ARFGEF1: variants seen among roughly 807,000 people sequenced by gnomAD.
ARFGEF1 encodes ARF guanine nucleotide exchange factor 1.
ARFGEF1 carries 42 observed loss-of-function variants against 231.0 expected under a neutral mutation model. The ratio of observed to expected loss-of-function variants is 0.18; its 90% CI spans 0.14 to 0.24. ARFGEF1 has a LOEUF of 0.24. Ranked by LOEUF, ARFGEF1 falls within the 10% of genes least tolerant of loss-of-function variation. ARFGEF1 has a pLI of 1.00. For missense variants in ARFGEF1, 1,345 were observed against 2,192.0 expected, an observed-to-expected ratio of 0.61 and a Z score of 7.72; for synonymous variants, 710 against 732.3, an observed-to-expected ratio of 0.97 and a Z score of 0.49.
chr8:67,193,129 CT>C (rs995747695), downstream of ARFGEF1, among the ~76,000 whole-genome samples: 4 of 151,258 alleles, frequency 2.6e-5, no homozygotes, highest in Admixed American at 6.6e-5. Context: ...TGGTTTTTTT[CT>C]TTTTTTTTGA....
intron 1 of ARFGEF1, among the ~76,000 whole-genome samples, chr8:67,310,441 T>A (rs1347392760): frequency 6.6e-6 from 1 of 152,172 alleles, no homozygotes; most frequent in Non-Finnish European, 1.5e-5. Context: ...TGATCTCGGC[T>A]CGCTACAACC....
chr8:67,296,274 A>G (rs551185167), intron 5 of ARFGEF1, among the ~76,000 whole-genome samples, 157 bp downstream of exon 5: 13 of 152,362 alleles, frequency 8.5e-5, no homozygotes, highest in African/African-American at 1.9e-4. Context: ...ACAAAACAAA[A>G]TAAAACACAA....
rs548826629 is a variant in ARFGEF1, at chr8:67,201,818, C to T, written c.5129-213G>A. On this transcript the variant is annotated intron_variant, in intron 36 of 38. Coordinates refer to ENST00000262215, the MANE Select transcript of ARFGEF1 (RefSeq NM_006421.5). Reference sequence around the variant, plus strand: ...ATATGAGATATAAAAAAACTTGTGGCCTGGGAAGGTGGAACCCTTCACATG... The same window carrying T: ...ATATGAGATATAAAAAAACTTGTGGTCTGGGAAGGTGGAACCCTTCACATG... The T allele has an allele frequency of 2.3e-4, 128 of 554,382 alleles. 4 individuals carry two copies. Among genetic ancestry groups the T allele is most frequent in the South Asian group, 1.5e-3 (68 of 45,398 alleles). The allele number at this position is 554,382 out of a possible 1,614,324, so 34.3% of individuals were successfully genotyped here.
intron 10 of ARFGEF1, among the ~76,000 whole-genome samples, chr8:67,270,732 AAAC>A (rs1486908433): frequency 6.7e-6 from 1 of 150,318 alleles, no homozygotes; most frequent in African/African-American, 2.4e-5. Flanking sequence ...AAAAAAAAAA[AAAC>A]CACATAAAGC....
intron 7 of ARFGEF1, among the ~76,000 whole-genome samples, chr8:67,280,014 G>A (rs561939793): frequency 1.3e-5 from 2 of 152,198 alleles, no homozygotes; most frequent in South Asian, 4.1e-4. Flanking sequence ...AACAAGAGAT[G>A]TACTTTTAAT....
intron 1 of ARFGEF1, among the ~76,000 whole-genome samples, chr8:67,305,972 GAATTT>G (rs1042696104): frequency 1.3e-5 from 2 of 152,164 alleles, no homozygotes; most frequent in Admixed American, 6.5e-5. Context: ...AAACTAGCAA[GAATTT>G]ATTTTTCCTT....
intron 5 of ARFGEF1, chr8:67,177,795 C>T: frequency 9.6e-7 from 1 of 1,041,538 alleles, no homozygotes; most frequent in South Asian, 1.3e-5. Flanking sequence ...ATATGATGAT[C>T]AAGTAATTCA....
chr8:67,192,869 A>G (rs1003801510), downstream of ARFGEF1, among the ~76,000 whole-genome samples: 1 of 152,182 alleles, frequency 6.6e-6, no homozygotes, highest in Admixed American at 6.5e-5. Context: ...TTATGTCAGT[A>G]CCACACTGTC....
intron 33 of ARFGEF1, among the ~76,000 whole-genome samples, chr8:67,213,393 A>C (rs1050028997): frequency 1.3e-5 from 2 of 152,194 alleles, no homozygotes; most frequent in African/African-American, 4.8e-5. Context: ...GTGTTTACAA[A>C]TTACTTCCAA....
At chr8:67,221,892 C>G (rs1839175767) in intron 29 of ARFGEF1, among the ~76,000 whole-genome samples, 1 of 151,074 alleles carries the variant, frequency 6.6e-6, no homozygotes, top group Admixed American at 6.6e-5. Context: ...CTGCTCACTG[C>G]AAGCTCCACC....
At chr8:67,267,491 T>C in intron 10 of ARFGEF1, 49 bp from the exon 11 acceptor site, 1 of 1,236,502 alleles carries the variant, frequency 8.1e-7, no homozygotes. Flanking sequence ...AGAATTCATA[T>C]GTGTGATCAC....
intron 16 of ARFGEF1, 41 bp downstream of exon 16, chr8:67,258,044 G>C (rs537494037): frequency 6.5e-7 from 1 of 1,535,388 alleles, no homozygotes. Context: ...ACAGTGGTTT[G>C]GATATAACAG....
chr8:67,249,045 C>T lies in ARFGEF1; in HGVS notation c.2850+2254G>A, dbSNP rs185422660. On this transcript the variant is annotated intron_variant, in intron 19 of 38. Transcript: ENST00000262215. ...GAATATATCATTCATTCCTTCCACC[C>T]AGCCAATGTTTATTCATTGAGTACT... 4.6e-3 allele frequency among the ~76,000 whole-genome samples: 686 copies of T among 150,304 alleles called. 39 individuals are homozygous for T. Among genetic ancestry groups the T allele is most frequent in the Middle Eastern group, 0.024 (7 of 294 alleles).
intron 25 of ARFGEF1, 143 bp from the exon 26 acceptor site, chr8:67,227,741 A>G: frequency 2.1e-6 from 2 of 951,452 alleles, no homozygotes; most frequent in Non-Finnish European, 3.0e-6. Context: ...AAGTATGCTA[A>G]AACTATTTCT....
In ARFGEF1 at chr8:67,217,989, T is replaced by C. The variant is rs770580155; in HGVS notation, c.4474+14A>G. ...CATTTAACACTTTGTGTCACATATC[T>C]GGTACAGACCTACCTTGCTGCACAC... On this transcript the variant is annotated intron_variant, in intron 31 of 38. Transcript: ENST00000262215. The C allele has an allele frequency of 2.5e-6, 4 of 1,612,236 alleles. 1 individual carries two copies. The South Asian group carries it at 3.3e-5, about 13-fold the overall frequency.
chr8:67,254,160 T>G (rs1297747317), intron 17 of ARFGEF1, among the ~76,000 whole-genome samples: 1 of 152,210 alleles, frequency 6.6e-6, no homozygotes, highest in Non-Finnish European at 1.5e-5. Context: ...CTTGGAATGT[T>G]TTGTCTTGTA....
chr8:67,289,089 C>G (rs929193323), intron 6 of ARFGEF1, among the ~76,000 whole-genome samples: 3 of 152,132 alleles, frequency 2.0e-5, no homozygotes, highest in African/African-American at 7.2e-5. Context: ...AGGAATTCCA[C>G]TGGGCTTTTT....
downstream of ARFGEF1, among the ~76,000 whole-genome samples, chr8:67,195,004 A>G (rs1447850977): frequency 6.6e-6 from 1 of 152,162 alleles, no homozygotes; most frequent in Admixed American, 6.5e-5. Flanking sequence ...AAAGAAAGAA[A>G]TTTTATGTGT....
At chr8:67,239,035 C>CTCA (rs1839852412) in intron 20 of ARFGEF1, 142 bp from the exon 21 acceptor site, 1 of 657,076 alleles carries the variant, frequency 1.5e-6, no homozygotes, top group South Asian at 3.7e-5. Context: ...GAGACAGAGT[C>CTCA]TCACCCTGTC....
Sources: gnomAD v4.1 joint callset for allele counts (sites outside exome capture counted in the v4.1 genomes callset) on GRCh38, gnomAD v4.1.1 for gene constraint, MANE v1.5 for transcripts, NCBI Gene and HGNC (gene_info 2026-07-23, HGNC 2026-07-21) for gene names.